Variants in NSMCE2 observed in about 807,000 individuals in gnomAD.
The protein encoded by NSMCE2 is E3 SUMO-protein ligase NSE2.
Under a neutral mutation model 23.8 loss-of-function variants are expected in NSMCE2, and 24 were observed. The observed-to-expected ratio is 1.01, with a 90% CI of 0.73 to 1.42. The LOEUF (loss-of-function observed/expected upper bound fraction) is 1.42. NSMCE2 is among the 40% of genes most tolerant of loss of function. NSMCE2 has a pLI of 0.00. For synonymous variants in NSMCE2, 92 were observed against 94.1 expected, an observed-to-expected ratio of 0.98 and a Z score of 0.13; for missense variants, 284 against 296.5, an observed-to-expected ratio of 0.96 and a Z score of 0.31.
rs565593006 is a variant in NSMCE2 at position 125,170,376 on chromosome 8, C to CTTTTTTTTTTTT, written c.265-11699_265-11688dup. 7.4e-4 allele frequency among the ~76,000 whole-genome samples: 28 copies of CTTTTTTTTTTTT among 37,864 alleles called. 9 individuals carry two copies. The highest frequency in any genetic ancestry group is 6.9e-3 in the East Asian group (5 of 726). The allele number at this position is 37,864 out of a possible 152,430, so 24.8% of individuals were successfully genotyped here. Reference sequence around the variant, plus strand: ...CATCAATAAACCTTACTCTTTATTTCTTTTTTTTTTTTTTTTTTTTTTTTT... The same window carrying CTTTTTTTTTTTT: ...CATCAATAAACCTTACTCTTTATTTCTTTTTTTTTTTTTTTTTTTTTTTTTTTTTTTTTTTTT... On this transcript the variant is annotated intron_variant, in intron 4 of 7. Transcript: ENST00000287437.
At chr8:125,139,865 C>T (rs1441179079) in intron 3 of NSMCE2, among the ~76,000 whole-genome samples, 1 of 152,194 alleles carries the variant, frequency 6.6e-6, no homozygotes, top group East Asian at 1.9e-4. Flanking sequence ...TTCTGTTCAC[C>T]TACACTTACT....
chr8:125,348,787 A>G (rs919663542), intron 5 of NSMCE2: 2 of 152,058 alleles, frequency 1.3e-5, no homozygotes, highest in African/African-American at 2.4e-5. Flanking sequence ...CTGTGAGTCC[A>G]TTAAACTTCT....
intron 5 of NSMCE2, among the ~76,000 whole-genome samples, chr8:125,331,076 C>A (rs1380289661): frequency 6.6e-6 from 1 of 152,004 alleles, no homozygotes; most frequent in African/African-American, 2.4e-5. Context: ...CTGAGGCAGG[C>A]GGATCACGAG....
At chr8:125,300,220 G>GTGCA (rs1419538900) in intron 5 of NSMCE2, among the ~76,000 whole-genome samples, 2 of 151,544 alleles carry the variant, frequency 1.3e-5, no homozygotes, top group Non-Finnish European at 2.9e-5. Flanking sequence ...CCAGGCTAGA[G>GTGCA]TGCAGTAGTG....
intron 5 of NSMCE2, among the ~76,000 whole-genome samples, chr8:125,273,577 A>G (rs1827318997): frequency 6.6e-6 from 1 of 152,246 alleles, no homozygotes; most frequent in Non-Finnish European, 1.5e-5. Flanking sequence ...TGGAAAATGT[A>G]TTTTAAAACT....
chr8:125,127,033 G>A (rs1325732085), intron 3 of NSMCE2: 1 of 152,212 alleles, frequency 6.6e-6, no homozygotes, highest in African/African-American at 2.4e-5. Flanking sequence ...AGGCAGCCAT[G>A]AGTTAAAATG....
chr8:125,270,174 G>C (rs1827119174), intron 5 of NSMCE2, among the ~76,000 whole-genome samples: 1 of 152,150 alleles, frequency 6.6e-6, no homozygotes, highest in Admixed American at 6.6e-5. Flanking sequence ...ACTTACTAAA[G>C]AATCTGAAAG....
intron 5 of NSMCE2, among the ~76,000 whole-genome samples, chr8:125,286,347 C>T (rs1257052588): frequency 6.6e-6 from 1 of 151,414 alleles, no homozygotes; most frequent in African/African-American, 2.4e-5. Context: ...GAGTCTCGCC[C>T]TGTCACCCAG....
intron 5 of NSMCE2, among the ~76,000 whole-genome samples, chr8:125,350,985 G>A (rs922451446): frequency 1.3e-5 from 2 of 152,222 alleles, no homozygotes; most frequent in African/African-American, 4.8e-5. Flanking sequence ...GCATGAAGTA[G>A]AGAATGAGAG....
intron 5 of NSMCE2, among the ~76,000 whole-genome samples, chr8:125,334,814 G>A (rs1830017637): frequency 9.1e-6 from 1 of 109,326 alleles, no homozygotes; most frequent in African/African-American, 3.6e-5. Context: ...ACACAGTCTC[G>A]CTCTGTCACC....
At chr8:125,179,909 A>T (rs1309608869) in intron 4 of NSMCE2, among the ~76,000 whole-genome samples, 5 of 152,208 alleles carry the variant, frequency 3.3e-5, no homozygotes, top group African/African-American at 7.2e-5. Context: ...TTATCTGCTT[A>T]GATCATCCCA....
intron 5 of NSMCE2, among the ~76,000 whole-genome samples, chr8:125,269,991 T>C (rs908082263): frequency 2.0e-5 from 3 of 152,204 alleles, no homozygotes; most frequent in Non-Finnish European, 2.9e-5. Context: ...TATGGTTCTT[T>C]AGGACTAGTC....
intron 5 of NSMCE2, among the ~76,000 whole-genome samples, chr8:125,356,325 G>GTTTTTT (rs1563803250): frequency 8.0e-6 from 1 of 125,160 alleles, no homozygotes; most frequent in African/African-American, 2.8e-5. Flanking sequence ...TTAATTTTTT[G>GTTTTTT]GTTTTTTTTT....
chr8:125,154,488 A>G (rs955350185), intron 4 of NSMCE2, among the ~76,000 whole-genome samples: 1 of 149,920 alleles, frequency 6.7e-6, no homozygotes, highest in Admixed American at 6.7e-5. Context: ...TGGAATTGGC[A>G]TCTATTTTAG....
chr8:125,173,627 G>C (rs1165461361), intron 4 of NSMCE2, among the ~76,000 whole-genome samples: 2 of 152,194 alleles, frequency 1.3e-5, no homozygotes, highest in Admixed American at 6.5e-5. Context: ...GAGGCATTCA[G>C]TCATTCTGTG....
At chr8:125,263,261 A>G (rs1247060654) in intron 5 of NSMCE2, among the ~76,000 whole-genome samples, 5 of 152,174 alleles carry the variant, frequency 3.3e-5, no homozygotes, top group Non-Finnish European at 5.9e-5. Flanking sequence ...CCTAATTGCC[A>G]TTTCCCAGGG....
chr8:125,160,028 T>C (rs1181042552), intron 4 of NSMCE2, among the ~76,000 whole-genome samples: 1 of 152,058 alleles, frequency 6.6e-6, no homozygotes, highest in Non-Finnish European at 1.5e-5. Flanking sequence ...CAAAAGCCTC[T>C]TGACATATGT....
At chr8:125,263,144 G>A (rs1586688122) in intron 5 of NSMCE2, among the ~76,000 whole-genome samples, 2 of 152,286 alleles carry the variant, frequency 1.3e-5, no homozygotes, top group East Asian at 3.9e-4. Flanking sequence ...ATGATTAAGT[G>A]CTCAGATTAA....
chr8:125,124,468 A>AT (rs1187110779), intron 3 of NSMCE2, among the ~76,000 whole-genome samples: 1 of 146,966 alleles, frequency 6.8e-6, no homozygotes, highest in African/African-American at 2.6e-5. Context: ...ATTCCTCAGG[A>AT]TTTCTCTCTC....
Sources: allele counts gnomAD v4.1 joint callset (sites outside exome capture counted in the v4.1 genomes callset), GRCh38; gene constraint gnomAD v4.1.1; transcripts MANE v1.5; gene names NCBI Gene and HGNC (gene_info 2026-07-23, HGNC 2026-07-21).